TMEM232: variants seen among roughly 807,000 people sequenced by gnomAD.
TMEM232 encodes transmembrane protein 232.
A neutral mutation model predicts 78.8 loss-of-function variants in TMEM232; 80 were observed. The observed-to-expected ratio is 1.01, with a 90% confidence interval of 0.85 to 1.22. The LOEUF (loss-of-function observed/expected upper bound fraction) is 1.22, where lower values mean the gene tolerates loss of function less well. Among genes scored for constraint, TMEM232 ranks in the 50% most tolerant of loss-of-function variants. TMEM232 has a pLI of 0.00. For synonymous variants in TMEM232, 297 were observed against 254.3 expected, an observed-to-expected ratio of 1.17 and a Z score of -1.60; for missense variants, 881 against 742.2, an observed-to-expected ratio of 1.19 and a Z score of -2.17.
chr5:110,674,453 G>A (rs558520534), intron 1 of TMEM232, among the ~76,000 whole-genome samples: 7 of 152,264 alleles, frequency 4.6e-5, no homozygotes, highest in South Asian at 2.1e-4. Flanking sequence ...AGTCTTTTAC[G>A]TATTGAGTTT....
chr5:110,501,382 T>C (rs550589126), intron 12 of TMEM232, among the ~76,000 whole-genome samples: 1 of 150,810 alleles, frequency 6.6e-6, no homozygotes, highest in East Asian at 1.9e-4. Context: ...CTAATTAGTC[T>C]TATTATAATA....
At chr5:110,695,744 T>C (rs1238165417) in intron 1 of TMEM232, among the ~76,000 whole-genome samples, 2 of 152,014 alleles carry the variant, frequency 1.3e-5, no homozygotes, top group Admixed American at 6.6e-5. Context: ...CTCCAAAAAC[T>C]AAACCAGCAA....
chr5:110,432,977 T>A (rs540536747), intron 12 of TMEM232, among the ~76,000 whole-genome samples: 2 of 151,922 alleles, frequency 1.3e-5, no homozygotes, highest in South Asian at 4.1e-4. Flanking sequence ...AGCACCCGGC[T>A]TTATAAAACA....
chr5:110,429,417 A>C (rs1757587897), intron 12 of TMEM232, among the ~76,000 whole-genome samples: 1 of 151,740 alleles, frequency 6.6e-6, no homozygotes, highest in Non-Finnish European at 1.5e-5. Context: ...CTTTATGCAG[A>C]ATTATGGTTT....
At chr5:110,423,652 G>A (rs1756914993) in intron 13 of TMEM232, among the ~76,000 whole-genome samples, 1 of 152,064 alleles carries the variant, frequency 6.6e-6, no homozygotes, top group African/African-American at 2.4e-5. Flanking sequence ...CTTGGATAGT[G>A]CTTACACCCT....
chr5:110,593,236 T>C (rs1187599473), intron 10 of TMEM232, among the ~76,000 whole-genome samples: 1 of 152,084 alleles, frequency 6.6e-6, no homozygotes, highest in Non-Finnish European at 1.5e-5. Flanking sequence ...AGAACAATAT[T>C]TGAGCTAGGA....
chr5:110,713,639 G>A (rs1796723656), intron 1 of TMEM232, among the ~76,000 whole-genome samples: 1 of 152,096 alleles, frequency 6.6e-6, no homozygotes, highest in Non-Finnish European at 1.5e-5. Flanking sequence ...CAAGATGTCT[G>A]CTGATTTGAC....
chr5:110,642,752 C>A (rs1786920201), intron 2 of TMEM232, among the ~76,000 whole-genome samples: 1 of 151,992 alleles, frequency 6.6e-6, no homozygotes, highest in Admixed American at 6.6e-5. Flanking sequence ...AACTTTTACT[C>A]CTTCTGTGCA....
At chr5:110,561,323 C>G (rs954820162) in intron 11 of TMEM232, among the ~76,000 whole-genome samples, 1 of 151,748 alleles carries the variant, frequency 6.6e-6, no homozygotes, top group Non-Finnish European at 1.5e-5. Flanking sequence ...AAAAACAAAA[C>G]TGTTCTCATT....
chr5:110,706,173 C>T (rs980511724), intron 1 of TMEM232, among the ~76,000 whole-genome samples: 3 of 151,796 alleles, frequency 2.0e-5, no homozygotes, highest in Non-Finnish European at 2.9e-5. Context: ...TCCAAACCAG[C>T]GATGAGATAT....
In TMEM232 at chr5:110,716,781, A is replaced by T. The variant is rs375894145; in HGVS notation, c.-13+9846T>A. ...TTTGCCAACTAAACCTTAGTCCTAA[A>T]CTTGAAGAAACAGTTCTGTACTGGT... On this transcript the variant is annotated intron_variant, in intron 1 of 13. Coordinates refer to ENST00000455884, the MANE Select transcript of TMEM232 (RefSeq NM_001039763.4). 5.9e-5 allele frequency among the ~76,000 whole-genome samples: 9 copies of T among 152,236 alleles called. 1 individual carries two copies. The highest frequency in any genetic ancestry group is 5.8e-4 in the East Asian group (3 of 5,186).
chr5:110,483,548 A>G (rs1172611286), intron 12 of TMEM232, among the ~76,000 whole-genome samples: 1 of 151,714 alleles, frequency 6.6e-6, no homozygotes, highest in Admixed American at 6.6e-5. Flanking sequence ...GAATTGAACA[A>G]TGAGAACACA....
intron 5 of TMEM232, among the ~76,000 whole-genome samples, chr5:110,634,541 G>T (rs986276824): frequency 1.3e-5 from 2 of 151,760 alleles, no homozygotes; most frequent in African/African-American, 4.8e-5. Flanking sequence ...ATACCAAGAG[G>T]AACTTTGAAA....
At chr5:110,416,305 C>T (rs929057962), downstream of TMEM232, among the ~76,000 whole-genome samples, 2 of 152,160 alleles carry the variant, frequency 1.3e-5, no homozygotes, top group African/African-American at 2.4e-5. Flanking sequence ...GGCATTGGCA[C>T]AACAGTTTCA....
chr5:110,484,713 A>G (rs937693842), intron 12 of TMEM232, among the ~76,000 whole-genome samples: 1 of 152,130 alleles, frequency 6.6e-6, no homozygotes, highest in Non-Finnish European at 1.5e-5. Context: ...GAGGAAAAAA[A>G]GATATTTAAT....
chr5:110,391,326 T>TGTGTGTGTGTGTGAGAGAGAGAGAGAGA (rs549361387), intron 3 of TMEM232, among the ~76,000 whole-genome samples: 19 of 139,914 alleles, frequency 1.4e-4, no homozygotes, highest in African/African-American at 5.6e-4. Context: ...TGTGTGTGTG[T>TGTGTGTGTGTGTGAGAGAGAGAGAGAGA]GAGAGAGAGA....
rs533983436 is a variant in TMEM232, at chr5:110,459,522, G to T, written c.1704-34606C>A. Reference sequence around the variant, plus strand: ...AAATGAAATTGAAATTAATTAAAAAGTAAAAAGCTCTTTTAGGAGAATGCT... The same window carrying T: ...AAATGAAATTGAAATTAATTAAAAATTAAAAAGCTCTTTTAGGAGAATGCT... On this transcript the variant is annotated intron_variant, in intron 12 of 13. Coordinates refer to ENST00000455884, the MANE Select transcript of TMEM232 (RefSeq NM_001039763.4). Among the ~76,000 whole-genome samples, 3 of 152,142 alleles carry T rather than the reference G, an allele frequency of 2.0e-5. No individual in the cohort carries two copies. In the South Asian group the frequency reaches 6.2e-4, roughly 32 times the overall value.
chr5:110,675,775 T>C (rs1232131081), intron 1 of TMEM232, among the ~76,000 whole-genome samples: 4 of 152,236 alleles, frequency 2.6e-5, no homozygotes, highest in South Asian at 2.1e-4. Context: ...CAGTTATCTT[T>C]TTTTGTGTGT....
At chr5:110,559,436 C>A (rs1267975269) in intron 11 of TMEM232, among the ~76,000 whole-genome samples, 2 of 151,818 alleles carry the variant, frequency 1.3e-5, no homozygotes, top group Non-Finnish European at 2.9e-5. Flanking sequence ...ATTTTAAAAC[C>A]AACAAAGAGC....
Sources: gnomAD v4.1 joint callset for allele counts (sites outside exome capture counted in the v4.1 genomes callset) on GRCh38, gnomAD v4.1.1 for gene constraint, MANE v1.5 for transcripts, NCBI Gene and HGNC (gene_info 2026-07-23, HGNC 2026-07-21) for gene names.